The following MTSS1 variants were observed in gnomAD, a reference collection of about 807,000 sequenced individuals.
The protein encoded by MTSS1 is MTSS I-BAR domain containing 1.
A neutral mutation model predicts 79.0 loss-of-function variants in MTSS1; 18 were observed. The observed-to-expected ratio is 0.23, with a 90% CI of 0.16 to 0.34. MTSS1 has a LOEUF of 0.34. Ranked by LOEUF, MTSS1 falls within the 10% of genes least tolerant of loss-of-function variation. MTSS1 has a pLI of 1.00. For missense variants in MTSS1, 815 were observed against 986.2 expected, an observed-to-expected ratio of 0.83 and a Z score of 2.33; for synonymous variants, 341 against 368.6, an observed-to-expected ratio of 0.93 and a Z score of 0.86.
chr8:124,718,262 T>TTC (rs1832394795), intron 1 of MTSS1, among the ~76,000 whole-genome samples: 1 of 151,394 alleles, frequency 6.6e-6, no homozygotes. Flanking sequence ...TCTGCTAATT[T>TTC]TTTTTTTTTA....
chr8:124,727,209 G>A lies in MTSS1; in HGVS notation c.72+675C>T, dbSNP rs1189394057. 6.6e-6 allele frequency among the ~76,000 whole-genome samples: 1 copy of A among 152,208 alleles called. No individual in the cohort carries two copies. Among genetic ancestry groups the A allele is most frequent in the Admixed American group, 6.5e-5 (1 of 15,288 alleles). ...AGGGCAGGATACAGTTATTTCGGGG[G>A]CCCCAATCTTGCCTTTAGGCTCAGC... On this transcript the variant is annotated intron_variant, in intron 1 of 13. Transcript: ENST00000518547. The surrounding 1 kb of genome is among the most constrained non-coding windows in gnomAD (Gnocchi z 4.7).
At chr8:124,711,696 C>T (rs1426920461) in intron 1 of MTSS1, among the ~76,000 whole-genome samples, 2 of 152,088 alleles carry the variant, frequency 1.3e-5, no homozygotes, top group Non-Finnish European at 2.9e-5. Context: ...ATGGTCAGGA[C>T]CCCCAACCAC....
intron 3 of MTSS1, among the ~76,000 whole-genome samples, chr8:124,629,605 C>T (rs982447177): frequency 3.5e-4 from 53 of 151,912 alleles, no homozygotes; most frequent in African/African-American, 1.1e-3. Context: ...CGAGATCTGA[C>T]CTCTCCCTAA....
rs111867865 is a variant in MTSS1, at chr8:124,587,130, G to A, written c.386-1969C>T. On this transcript the variant is annotated intron_variant, in intron 5 of 13. Transcript: ENST00000518547. Reference sequence around the variant, plus strand: ...TCCTCACACAGACAGAGGGTGAGGAGAGACCTGCGCAGGAGAGCAGGTTCC... The same window carrying A: ...TCCTCACACAGACAGAGGGTGAGGAAAGACCTGCGCAGGAGAGCAGGTTCC... 6.3e-3 allele frequency among the ~76,000 whole-genome samples: 966 copies of A among 152,316 alleles called. 7 individuals are homozygous for A. The highest frequency in any genetic ancestry group is 0.022 in the African/African-American group (921 of 41,570).
intron 3 of MTSS1, among the ~76,000 whole-genome samples, chr8:124,603,280 C>T (rs1834242828): frequency 6.6e-6 from 1 of 152,174 alleles, no homozygotes; most frequent in Non-Finnish European, 1.5e-5. Flanking sequence ...CCCGCCTCAG[C>T]CTCCCAAAGT....
rs1217209569 is a variant in MTSS1, at chr8:124,552,943, G to A, written c.*49C>T. The A allele has an allele frequency of 1.9e-6, 3 of 1,559,294 alleles. No homozygotes were observed. The highest frequency in any genetic ancestry group is 2.3e-5 in the East Asian group (1 of 44,330). ...AGTGGAATGGATCAAGACAAATTAG[G>A]TTTTATTAATGAAACAGTTCATTCC... On this transcript the variant is annotated 3_prime_UTR_variant, in exon 14 of 14. Coordinates refer to ENST00000518547, the MANE Select transcript of MTSS1 (RefSeq NM_014751.6).
At chr8:124,692,347 T>A (rs1389266119) in intron 3 of MTSS1, among the ~76,000 whole-genome samples, 1 of 150,890 alleles carries the variant, frequency 6.6e-6, no homozygotes, top group South Asian at 2.1e-4. Context: ...TGTGCCCCCA[T>A]AACATGTGGA....
chr8:124,626,790 G>A (rs1814766295), intron 3 of MTSS1, among the ~76,000 whole-genome samples: 1 of 152,060 alleles, frequency 6.6e-6, no homozygotes, highest in African/African-American at 2.4e-5. Flanking sequence ...TTTCTTCCTA[G>A]GGGCATCACA....
chr8:124,684,443 A>G (rs1025428904), intron 3 of MTSS1, among the ~76,000 whole-genome samples: 1 of 152,264 alleles, frequency 6.6e-6, no homozygotes, highest in African/African-American at 2.4e-5. Context: ...TGCAAGCATA[A>G]AGAAAAGAAC....
intron 3 of MTSS1, among the ~76,000 whole-genome samples, chr8:124,637,405 G>C (rs191760439): frequency 1.3e-5 from 2 of 152,302 alleles, no homozygotes; most frequent in Admixed American, 6.5e-5. Flanking sequence ...ATATACAGGA[G>C]AGAAACCTGA....
At chr8:124,563,554 T>C in intron 9 of MTSS1, 1 of 161,682 alleles carries the variant, frequency 6.2e-6, no homozygotes, top group Non-Finnish European at 1.4e-5. Context: ...AAGCCCGCTG[T>C]CAAGAACATC....
chr8:124,625,573 A>G (rs985625170), intron 3 of MTSS1, among the ~76,000 whole-genome samples: 1 of 152,220 alleles, frequency 6.6e-6, no homozygotes, highest in African/African-American at 2.4e-5. Flanking sequence ...CAGCTGGTAT[A>G]GACCACCTGC....
At chr8:124,663,509 A>C (rs1188421550) in intron 3 of MTSS1, among the ~76,000 whole-genome samples, 1 of 150,560 alleles carries the variant, frequency 6.6e-6, no homozygotes, top group Admixed American at 6.6e-5. Flanking sequence ...CCACCCGCCC[A>C]ATCCATGCTC....
intron 3 of MTSS1, among the ~76,000 whole-genome samples, chr8:124,680,136 T>C (rs1825900203): frequency 1.3e-5 from 2 of 152,232 alleles, no homozygotes; most frequent in Admixed American, 1.3e-4. Context: ...GTTCAATACA[T>C]GAAGCATGAA....
At position 124,562,771 on chromosome 8, in the gene MTSS1, G is replaced by T; in HGVS notation, c.1035+11C>A. 6.2e-7 allele frequency: 1 copy of T among 1,612,852 alleles called. No individual in the cohort carries two copies. The highest frequency in any genetic ancestry group is 8.5e-7 in the Non-Finnish European group (1 of 1,179,040). On this transcript the variant is annotated intron_variant, in intron 10 of 13. Transcript: ENST00000518547. ...TGTGACAGCTGCTCCTGGAGCCAAG[G>T]GCACCCTTACCTGGTTGGGGGCCTC...
chr8:124,693,398 T>G (rs1010787437), intron 3 of MTSS1, among the ~76,000 whole-genome samples: 7 of 152,298 alleles, frequency 4.6e-5, no homozygotes, highest in African/African-American at 1.7e-4. Flanking sequence ...TCTGATTCCA[T>G]GGGAGTGGCA....
intron 3 of MTSS1, among the ~76,000 whole-genome samples, chr8:124,619,082 C>T (rs1319738566): frequency 6.6e-6 from 1 of 152,186 alleles, no homozygotes; most frequent in Non-Finnish European, 1.5e-5. Flanking sequence ...TTAAAGTTAA[C>T]AGACAAAAAG....
At chr8:124,562,646 G>A (rs1489924167) in intron 10 of MTSS1, 136 bp downstream of exon 10, 13 of 842,826 alleles carry the variant, frequency 1.5e-5, no homozygotes, top group Non-Finnish European at 1.1e-5. Context: ...ATCTAAAGAT[G>A]AGAAATTAAA....
In MTSS1 at chr8:124,721,659, T is replaced by C. The variant is rs925199745; in HGVS notation, c.72+6225A>G. Among the ~76,000 whole-genome samples the C allele has an allele frequency of 2.6e-5, 3 of 116,172 alleles. No individual in the cohort carries two copies. In the East Asian group the frequency reaches 7.2e-4, roughly 28 times the overall value. 76.2% of individuals were successfully genotyped at this position (116,172 alleles called of 152,430 possible). A position where few individuals can be genotyped will look rare whatever the true frequency, so the allele number is the denominator to read the frequency against. ...TCCTGGACCTCAGGTGATCCACCCA[T>C]CTTGGCCTCCCAGAGTGATGGGCAC... On this transcript the variant is annotated intron_variant, in intron 1 of 13. Coordinates refer to ENST00000518547, the MANE Select transcript of MTSS1 (RefSeq NM_014751.6).
Sources: gnomAD v4.1 joint callset for allele counts (sites outside exome capture counted in the v4.1 genomes callset) on GRCh38, gnomAD v4.1.1 for gene constraint, Gnocchi (gnomAD v3.1) non-coding constraint, MANE v1.5 for transcripts, NCBI Gene and HGNC (gene_info 2026-07-23, HGNC 2026-07-21) for gene names.